Variants in LINC00305 observed in about 807,000 individuals in gnomAD.
LINC00305 encodes the protein long independently transcribed non-coding RNA 305.
intron 3 of LINC00305, among the ~76,000 whole-genome samples, chr18:64,081,220 T>C (rs2051183752): frequency 6.6e-6 from 1 of 152,256 alleles, no homozygotes; most frequent in African/African-American, 2.4e-5. Flanking sequence ...GTAGATGTAC[T>C]CTGCAAATAG....
At chr18:64,134,697 TTTAC>T (rs1479325585) in intron 1 of LINC00305, among the ~76,000 whole-genome samples, 1 of 152,248 alleles carries the variant, frequency 6.6e-6, no homozygotes, top group South Asian at 2.1e-4. Context: ...TCACAATTTA[TTTAC>T]TTGTCAGATT....
At chr18:64,139,767 C>T (rs559617030) in intron 1 of LINC00305, among the ~76,000 whole-genome samples, 29 of 152,142 alleles carry the variant, frequency 1.9e-4, no homozygotes, top group Non-Finnish European at 3.2e-4. Context: ...GAAGCGGTCG[C>T]AGGTCTAGAA....
chr18:64,085,854 T>C (rs1443822770), intron 3 of LINC00305, among the ~76,000 whole-genome samples: 1 of 152,224 alleles, frequency 6.6e-6, no homozygotes, highest in African/African-American at 2.4e-5. Context: ...ATTTGACTTT[T>C]GGTGCTGACT....
intron 1 of LINC00305, among the ~76,000 whole-genome samples, chr18:64,116,222 G>A (rs1599219224): frequency 2.0e-5 from 3 of 152,284 alleles, no homozygotes; most frequent in Admixed American, 2.0e-4. Context: ...CAAAAAGTGG[G>A]TCTCAGGATG....
intron 1 of LINC00305, chr18:64,139,391 C>T (rs1047782121): frequency 2.6e-5 from 4 of 152,096 alleles, no homozygotes; most frequent in African/African-American, 9.7e-5. Context: ...TGATAAAATC[C>T]CTAGGAGAGC....
At chr18:64,120,515 C>T (rs1599221383) in intron 1 of LINC00305, among the ~76,000 whole-genome samples, 1 of 151,570 alleles carries the variant, frequency 6.6e-6, no homozygotes, top group Non-Finnish European at 1.5e-5. Context: ...TATTAGTCGT[C>T]GAAATTGTTG....
At position 64,083,003 on chromosome 18, in the gene LINC00305, A is replaced by T. The variant is rs187768919; in HGVS notation, n.541-2601T>A. On this transcript the variant is annotated intron_variant and non_coding_transcript_variant, in intron 3 of 3. Transcript: ENST00000666468. Reference sequence around the variant, plus strand: ...TCTTAAAGTTTAACTTTTAAATATTATTGGGTTTTAAATTGTATTAAAAAT... The same window carrying T: ...TCTTAAAGTTTAACTTTTAAATATTTTTGGGTTTTAAATTGTATTAAAAAT... Among the ~76,000 whole-genome samples the T allele has an allele frequency of 3.3e-4, 50 of 152,258 alleles. 1 individual carries two copies. In the East Asian group the frequency reaches 7.1e-3, roughly 22 times the overall value.
intron 1 of LINC00305, among the ~76,000 whole-genome samples, chr18:64,109,596 C>T (rs748787901): frequency 2.0e-5 from 3 of 152,212 alleles, no homozygotes; most frequent in Admixed American, 1.3e-4. Context: ...ATGTATTCAG[C>T]GTCTACCAGT....
intron 1 of LINC00305, among the ~76,000 whole-genome samples, chr18:64,121,233 G>A (rs1002468925): frequency 1.3e-5 from 2 of 152,010 alleles, no homozygotes; most frequent in Admixed American, 1.3e-4. Context: ...GGACATATGT[G>A]TAATTTTGTT....
intron 3 of LINC00305, among the ~76,000 whole-genome samples, chr18:64,096,422 G>A (rs1001140090): frequency 6.6e-6 from 1 of 151,772 alleles, no homozygotes; most frequent in African/African-American, 2.4e-5. Context: ...TAACTAGACT[G>A]TTAAAATGCT....
chr18:64,136,072 A>G (rs1036522483), intron 1 of LINC00305, among the ~76,000 whole-genome samples: 7 of 152,318 alleles, frequency 4.6e-5, no homozygotes, highest in African/African-American at 9.6e-5. Flanking sequence ...GAGGGGCCTC[A>G]GGGAAGAATG....
intron 1 of LINC00305, among the ~76,000 whole-genome samples, chr18:64,141,395 G>A (rs2051462397): frequency 1.3e-5 from 2 of 152,164 alleles, no homozygotes; most frequent in Admixed American, 1.3e-4. Context: ...CTCAAAAGCT[G>A]TGAAACTGAA....
intron 1 of LINC00305, among the ~76,000 whole-genome samples, chr18:64,135,517 T>G (rs2051428977): frequency 6.6e-6 from 1 of 152,190 alleles, no homozygotes; most frequent in Non-Finnish European, 1.5e-5. Flanking sequence ...ATGACAGAGA[T>G]GCAGCTCAGG....
chr18:64,103,564 A>C (rs1443857909), intron 1 of LINC00305, among the ~76,000 whole-genome samples: 1 of 152,150 alleles, frequency 6.6e-6, no homozygotes, highest in Non-Finnish European at 1.5e-5. Flanking sequence ...TCTTTCATAC[A>C]TTTCTTAAAA....
At chr18:64,108,373 A>C (rs562455817) in intron 1 of LINC00305, among the ~76,000 whole-genome samples, 2 of 152,340 alleles carry the variant, frequency 1.3e-5, no homozygotes, top group South Asian at 4.1e-4. Context: ...GGTTAGCATG[A>C]TAAGTTGACT....
chr18:64,090,809 A>G (rs1326436739), intron 3 of LINC00305, among the ~76,000 whole-genome samples: 3 of 152,208 alleles, frequency 2.0e-5, no homozygotes, highest in Non-Finnish European at 4.4e-5. Context: ...GCCAGTTTTA[A>G]ATGCAAATAT....
intron 1 of LINC00305, among the ~76,000 whole-genome samples, chr18:64,119,741 A>T (rs1399070295): frequency 6.6e-6 from 1 of 152,104 alleles, no homozygotes; most frequent in African/African-American, 2.4e-5. Flanking sequence ...CAGTGGTGAG[A>T]TGGGTTTTCT....
intron 3 of LINC00305, among the ~76,000 whole-genome samples, chr18:64,092,257 G>C (rs964598919): frequency 1.3e-5 from 2 of 152,088 alleles, no homozygotes; most frequent in Non-Finnish European, 2.9e-5. Context: ...ATATTGTTAT[G>C]GTTTGTAAAA....
chr18:64,092,657 C>G (rs1568104755), intron 3 of LINC00305, among the ~76,000 whole-genome samples: 3 of 152,178 alleles, frequency 2.0e-5, no homozygotes, highest in African/African-American at 7.2e-5. Flanking sequence ...ACGCCTCCAA[C>G]AAAGGTGAGG....
Sources: allele counts gnomAD v4.1 joint callset (sites outside exome capture counted in the v4.1 genomes callset), GRCh38; gene constraint gnomAD v4.1.1; transcripts MANE v1.5; gene names NCBI Gene and HGNC (gene_info 2026-07-23, HGNC 2026-07-21).